ZNF536: variants seen among roughly 807,000 people sequenced by gnomAD.
ZNF536 encodes the protein zinc finger protein 536.
ZNF536 carries 13 observed loss-of-function variants against 84.5 expected under a neutral mutation model. The observed-to-expected ratio is 0.15, with a 90% CI of 0.10 to 0.24. The LOEUF (loss-of-function observed/expected upper bound fraction) is 0.24. Among genes scored for constraint, ZNF536 ranks in the 10% least tolerant of loss-of-function variants. The pLI, the probability that ZNF536 is intolerant of heterozygous loss-of-function variation, is 1.00. For synonymous variants in ZNF536, 811 were observed against 742.5 expected, an observed-to-expected ratio of 1.09 and a Z score of -1.50; for missense variants, 1,536 against 1,747.5, an observed-to-expected ratio of 0.88 and a Z score of 2.16.
intron 2 of ZNF536, among the ~76,000 whole-genome samples, chr19:30,351,361 T>C (rs1479998623): frequency 6.6e-6 from 1 of 152,210 alleles, no homozygotes; most frequent in Admixed American, 6.5e-5. Context: ...TTTTGGACAA[T>C]ATCTAGTTAC....
chr19:30,329,291 T>A (rs865828831), intron 2 of ZNF536, among the ~76,000 whole-genome samples: 1 of 152,236 alleles, frequency 6.6e-6, no homozygotes, highest in South Asian at 2.1e-4. Flanking sequence ...AATGCGGTCC[T>A]GCTTGCTGAA....
rs78997844 is a variant in ZNF536 at position 30,279,279 on chromosome 19, T to C, written c.-189-4793T>C. The stretch of plus-strand genomic sequence containing the variant: ...TGAATCTGGTCTCGGAAACATGAGC[T>C]CCATGCAGGTGGACACGATGTTTAT... On this transcript the variant is annotated intron_variant, in intron 1 of 5. Transcript: ENST00000585628. Among the ~76,000 whole-genome samples, 237 of 152,304 alleles carry C rather than the reference T, an allele frequency of 1.6e-3. 1 individual carries two copies. The highest frequency in any genetic ancestry group is 5.2e-3 in the African/African-American group (218 of 41,552).
intron 1 of ZNF536, among the ~76,000 whole-genome samples, chr19:30,233,783 G>A (rs1270120615): frequency 6.6e-6 from 1 of 152,166 alleles, no homozygotes; most frequent in African/African-American, 2.4e-5. Flanking sequence ...GGTGGGTCTA[G>A]GATTAGACCC....
Position 30,578,318 on chromosome 19 carries a change from C to T in ZNF536, c.169+28804C>T, listed in dbSNP as rs73924785. ...TCCTAGTTCCTGGGGAAGGTTGGCC[C>T]GCGAAGCGCAGTGTTTTAACTAAGA... On this transcript the variant is annotated intron_variant, in intron 1 of 1. Coordinates refer to the ZNF536 transcript ENST00000592773. Among the ~76,000 whole-genome samples, 703 of 152,302 alleles carry T rather than the reference C, an allele frequency of 4.6e-3. 4 individuals are homozygous for T. Among genetic ancestry groups the T allele is most frequent in the African/African-American group, 0.016 (679 of 41,566 alleles).
At position 30,445,578 on chromosome 19, in the gene ZNF536, T is replaced by G. The variant is rs372094817; in HGVS notation, c.2016T>G (p.Arg672=). 1 of 1,613,166 alleles carries G rather than the reference T, an allele frequency of 6.2e-7. No homozygotes were observed. Among genetic ancestry groups the G allele is most frequent in the South Asian group, 1.1e-5 (1 of 91,020 alleles). ...TGCACGTGGGCCTGGATGAGCGGCGTGGCTCGGGCAGTGACCAGGAGTCCC... is the reference window on the plus strand; with the variant it reads ...TGCACGTGGGCCTGGATGAGCGGCGGGGCTCGGGCAGTGACCAGGAGTCCC... ...DGLHVGLDER[R]GSGSDQESQS... Residue 672 remains arginine, a synonymous_variant, in exon 2 of 5, where the codon CGT becomes CGG. Coordinates refer to ENST00000355537, the MANE Select transcript of ZNF536 (RefSeq NM_014717.3). The surrounding 1 kb of genome is among the most constrained non-coding windows in gnomAD (Gnocchi z 4.5).
At position 30,615,823 on chromosome 19, in the gene ZNF536, C is replaced by T. The variant is rs542098109; in HGVS notation, c.169+66309C>T. Among the ~76,000 whole-genome samples, 14 of 152,142 alleles carry T rather than the reference C, an allele frequency of 9.2e-5. No homozygotes were observed. In the East Asian group the frequency reaches 2.3e-3, roughly 25 times the overall value. Reference sequence around the variant, plus strand: ...TTCTAAATAATTGTTCCTTATTTAGCCCCTAAATTCATATTGAGGTTTATT... The same window carrying T: ...TTCTAAATAATTGTTCCTTATTTAGTCCCTAAATTCATATTGAGGTTTATT... On this transcript the variant is annotated intron_variant, in intron 1 of 1. Coordinates refer to the ZNF536 transcript ENST00000592773.
intron 2 of ZNF536, among the ~76,000 whole-genome samples, chr19:30,308,402 G>T (rs1432978571): frequency 1.3e-5 from 2 of 151,990 alleles, no homozygotes; most frequent in Non-Finnish European, 2.9e-5. Flanking sequence ...AGGATTATCA[G>T]TCATAAGTTC....
chr19:30,572,104 G>A (rs4805584), intron 1 of ZNF536, among the ~76,000 whole-genome samples: 2,712 of 152,236 alleles, frequency 0.018, 150 homozygotes, highest in East Asian at 0.14. Context: ...GTTTAATGCG[G>A]CCCTAACTGT....
intron 1 of ZNF536, among the ~76,000 whole-genome samples, chr19:30,377,992 A>C (rs1049186838): frequency 1.3e-5 from 2 of 152,102 alleles, no homozygotes; most frequent in Non-Finnish European, 2.9e-5. Context: ...GTCTAATTTC[A>C]ACCCTGTCTC....
At chr19:30,271,294 C>CTTTTTTTTTTTTTTTTTTTTTTTTTT (rs879683203) in intron 1 of ZNF536, among the ~76,000 whole-genome samples, 2 of 103,198 alleles carry the variant, frequency 1.9e-5, no homozygotes, top group Admixed American at 1.1e-4. Context: ...GTGTTTTTTT[C>CTTTTTTTTTTTTTTTTTTTTTTTTTT]TTTTCTTTTT....
intron 1 of ZNF536, among the ~76,000 whole-genome samples, chr19:30,589,253 G>T (rs1045776485): frequency 1.3e-5 from 2 of 152,176 alleles, no homozygotes; most frequent in African/African-American, 2.4e-5. Flanking sequence ...TGGAAGAAAG[G>T]CTCTGCATTG....
intron 1 of ZNF536, among the ~76,000 whole-genome samples, chr19:30,271,896 A>T (rs2025875010): frequency 6.6e-6 from 1 of 152,238 alleles, no homozygotes; most frequent in Non-Finnish European, 1.5e-5. Flanking sequence ...GAATTAAAAC[A>T]ACAAGAATAA....
chr19:30,559,991 C>G (rs137922259), downstream of ZNF536, among the ~76,000 whole-genome samples: 1 of 152,164 alleles, frequency 6.6e-6, no homozygotes, highest in Non-Finnish European at 1.5e-5. Flanking sequence ...CCGTCCTGCT[C>G]CCCATCTTCT....
intron 2 of ZNF536, among the ~76,000 whole-genome samples, chr19:30,494,298 C>G (rs552511264): frequency 3.3e-5 from 5 of 152,290 alleles, no homozygotes; most frequent in Admixed American, 2.6e-4. Context: ...AGTGTCCCGA[C>G]AAGTGGACAC....
chr19:30,513,379 C>T (rs1195140792), intron 2 of ZNF536, among the ~76,000 whole-genome samples: 1 of 152,138 alleles, frequency 6.6e-6, no homozygotes, highest in Non-Finnish European at 1.5e-5. Flanking sequence ...TGCAACGACC[C>T]TGCAGGACAG....
chr19:30,610,702 GT>G (rs2048073531), intron 1 of ZNF536, among the ~76,000 whole-genome samples: 1 of 152,060 alleles, frequency 6.6e-6, no homozygotes, highest in African/African-American at 2.4e-5. Context: ...TCTTTTAAAT[GT>G]TTCCCTCTGA....
At chr19:30,704,800 C>A (rs879931610) in intron 1 of ZNF536, among the ~76,000 whole-genome samples, 3 of 152,142 alleles carry the variant, frequency 2.0e-5, no homozygotes, top group African/African-American at 4.8e-5. Flanking sequence ...AACCCACAGC[C>A]CCCTCAGCAG....
At chr19:30,433,123 C>T (rs879186661) in intron 1 of ZNF536, among the ~76,000 whole-genome samples, 1 of 152,218 alleles carries the variant, frequency 6.6e-6, no homozygotes, top group Admixed American at 6.5e-5. Flanking sequence ...GCTCCATATA[C>T]ATTTTGTACA....
chr19:30,391,780 A>C (rs186048619), intron 1 of ZNF536, among the ~76,000 whole-genome samples: 1 of 152,278 alleles, frequency 6.6e-6, no homozygotes, highest in Non-Finnish European at 1.5e-5. Flanking sequence ...AGCATCTTCC[A>C]CTAAACTTTC....
Sources: allele counts gnomAD v4.1 joint callset (sites outside exome capture counted in the v4.1 genomes callset), GRCh38; gene constraint gnomAD v4.1.1; non-coding constraint Gnocchi (gnomAD v3.1); transcripts MANE v1.5; gene names NCBI Gene and HGNC (gene_info 2026-07-23, HGNC 2026-07-21).